ADCY8: variants seen among roughly 807,000 people sequenced by gnomAD.
ADCY8 encodes adenylate cyclase type 8.
Under a neutral mutation model 119.7 loss-of-function variants are expected in ADCY8, and 51 were observed. That is an observed-to-expected ratio of 0.43 (90% CI 0.34 to 0.54). The LOEUF (loss-of-function observed/expected upper bound fraction) is 0.54, where lower values mean the gene tolerates loss of function less well. Among genes scored for constraint, ADCY8 ranks in the 20% least tolerant of loss-of-function variants. The pLI is 0.03. For synonymous variants in ADCY8, 665 were observed against 651.0 expected, an observed-to-expected ratio of 1.02 and a Z score of -0.33; for missense variants, 1,383 against 1,598.8, an observed-to-expected ratio of 0.87 and a Z score of 2.30.
intron 1 of ADCY8, among the ~76,000 whole-genome samples, chr8:131,027,753 T>C (rs866797592): frequency 2.6e-5 from 4 of 152,292 alleles, no homozygotes; most frequent in Middle Eastern, 3.4e-3. Context: ...AGCACAAAGA[T>C]ACATACTTGC....
At position 130,805,309 on chromosome 8, in the gene ADCY8, G is replaced by A. The variant is rs902090751; in HGVS notation, c.2914-4737C>T. Among the ~76,000 whole-genome samples the A allele has an allele frequency of 2.6e-5, 4 of 152,158 alleles. No homozygotes were observed. The East Asian group carries it at 7.7e-4, about 29-fold the overall frequency. The stretch of plus-strand genomic sequence containing the variant: ...AATACTTTACCCGAGCCCCATAGTT[G>A]TTATGACGTAGAGCTGAAATTTGTA... On this transcript the variant is annotated intron_variant, in intron 14 of 17. Coordinates refer to ENST00000286355, the MANE Select transcript of ADCY8 (RefSeq NM_001115.3).
chr8:130,821,319 G>C, intron 13 of ADCY8, 23 bp downstream of exon 13: 2 of 1,603,822 alleles, frequency 1.2e-6, no homozygotes, highest in East Asian at 2.2e-5. Context: ...TAACAGAGCA[G>C]TCAGAGCGAA....
intron 15 of ADCY8, among the ~76,000 whole-genome samples, chr8:130,798,628 T>C (rs1463022273): frequency 6.6e-6 from 1 of 152,210 alleles, no homozygotes; most frequent in Non-Finnish European, 1.5e-5. Context: ...AAAATTCTCC[T>C]GCCTTTGGTG....
intron 15 of ADCY8, among the ~76,000 whole-genome samples, chr8:130,795,780 GGT>G (rs140027471): frequency 1.3e-5 from 2 of 150,944 alleles, no homozygotes; most frequent in Admixed American, 6.6e-5. Flanking sequence ...GCTTGGCTTT[GGT>G]GTGTGTGTGT....
chr8:130,964,037 C>T lies in ADCY8; in HGVS notation c.1111-12039G>A, dbSNP rs573311030. 5.3e-5 allele frequency among the ~76,000 whole-genome samples: 8 copies of T among 152,264 alleles called. No individual in the cohort carries two copies. In the South Asian group the frequency reaches 1.4e-3, roughly 28 times the overall value. On this transcript the variant is annotated intron_variant, in intron 2 of 17. Transcript: ENST00000286355. ...TCATGCTAGATCTGTACCTGGGATGCCTTCTCTAACTGGTCTGCTGAAGTG... is the reference window on the plus strand; with the variant it reads ...TCATGCTAGATCTGTACCTGGGATGTCTTCTCTAACTGGTCTGCTGAAGTG...
intron 1 of ADCY8, among the ~76,000 whole-genome samples, chr8:131,015,394 A>T (rs7841097): frequency 0.021 from 3,240 of 152,230 alleles, 139 homozygotes; most frequent in African/African-American, 0.072. Flanking sequence ...CAGAGACCCC[A>T]AATGGTGAGC....
At position 130,874,389 on chromosome 8, in the gene ADCY8, A is replaced by G. The variant is rs1053454063; in HGVS notation, c.2110-6443T>C. ...CATTTGGATACAAGGCATAATTGCA[A>G]TGAGACTAATTTTCAGTAATTTTTG... On this transcript the variant is annotated intron_variant, in intron 8 of 17. Coordinates refer to ENST00000286355, the MANE Select transcript of ADCY8 (RefSeq NM_001115.3). Among the ~76,000 whole-genome samples the G allele has an allele frequency of 3.9e-5, 6 of 152,284 alleles. No homozygotes were observed. In the Middle Eastern group the frequency reaches 0.01, roughly 259 times the overall value.
chr8:130,888,013 A>C (rs1485648272), intron 7 of ADCY8, among the ~76,000 whole-genome samples: 1 of 152,130 alleles, frequency 6.6e-6, no homozygotes, highest in Non-Finnish European at 1.5e-5. Flanking sequence ...GACTTACAGC[A>C]CCAGTGCGAG....
intron 7 of ADCY8, among the ~76,000 whole-genome samples, chr8:130,889,458 C>T (rs1819106912): frequency 6.6e-6 from 1 of 152,118 alleles, no homozygotes; most frequent in African/African-American, 2.4e-5. Flanking sequence ...TTTTTGACCA[C>T]AAATCCCCCT....
At chr8:130,938,008 A>T (rs965582574) in intron 4 of ADCY8, among the ~76,000 whole-genome samples, 4 of 152,214 alleles carry the variant, frequency 2.6e-5, no homozygotes, top group Non-Finnish European at 5.9e-5. Flanking sequence ...GCATTAAGAA[A>T]ATAATGCATG....
At chr8:130,854,660 T>G (rs978265511) in intron 9 of ADCY8, among the ~76,000 whole-genome samples, 5 of 152,212 alleles carry the variant, frequency 3.3e-5, no homozygotes, top group Admixed American at 2.6e-4. Flanking sequence ...TTAATTTAAT[T>G]TTTACTGCAG....
At chr8:130,941,353 G>A (rs1188919181) in intron 4 of ADCY8, among the ~76,000 whole-genome samples, 1 of 152,130 alleles carries the variant, frequency 6.6e-6, no homozygotes, top group Non-Finnish European at 1.5e-5. Flanking sequence ...TTTCAGTCTT[G>A]CGCAGTACCT....
At chr8:130,884,782 A>C in intron 7 of ADCY8, 21 bp from the exon 8 acceptor site, 1 of 1,610,238 alleles carries the variant, frequency 6.2e-7, no homozygotes, top group Non-Finnish European at 8.5e-7. Context: ...AGCACATGCA[A>C]ACACAATAAA....
At chr8:131,011,109 T>C (rs1823286887) in intron 1 of ADCY8, among the ~76,000 whole-genome samples, 3 of 151,606 alleles carry the variant, frequency 2.0e-5, no homozygotes. Flanking sequence ...GAATCTAGGA[T>C]AGACGCATGC....
chr8:130,889,333 G>A (rs1819101504), intron 7 of ADCY8, among the ~76,000 whole-genome samples: 1 of 152,066 alleles, frequency 6.6e-6, no homozygotes, highest in Non-Finnish European at 1.5e-5. Flanking sequence ...CACAATAAAT[G>A]TGTTTACTGA....
rs756440138 is a variant in ADCY8, at chr8:131,039,615, G to T, written c.719C>A (p.Thr240Lys). 1 of 1,614,082 alleles carries T rather than the reference G, an allele frequency of 6.2e-7. No individual in the cohort carries two copies. The highest frequency in any genetic ancestry group is 1.1e-5 in the South Asian group (1 of 91,078). The stretch of plus-strand genomic sequence containing the variant: ...GACCACGCCGCTGTACTGCAGGTAC[G>T]TGTGGGAGGTGGTGTCCTTCCTGAC... Reference protein sequence around the residue: ...VVVRKDTTSHTYLQYSGVVTW... With the variant: ...VVVRKDTTSHKYLQYSGVVTW... The change falls in exon 1 of 18, where the codon ACG becomes AAG. Residue 240 changes from threonine (T) to lysine (K), a missense_variant. Around this residue, in one of 2 missense-constraint regions of ADCY8, gnomAD observed 455 missense variants for 435.3 expected, o/e 1.05. Coordinates refer to ENST00000286355, the MANE Select transcript of ADCY8 (RefSeq NM_001115.3).
At chr8:130,985,522 C>T (rs1822376639) in intron 2 of ADCY8, among the ~76,000 whole-genome samples, 1 of 152,034 alleles carries the variant, frequency 6.6e-6, no homozygotes, top group Admixed American at 6.6e-5. Flanking sequence ...TGAAGAATAA[C>T]AGAAAATGAC....
At chr8:130,988,829 G>T (rs945455877) in intron 2 of ADCY8, among the ~76,000 whole-genome samples, 3 of 152,204 alleles carry the variant, frequency 2.0e-5, no homozygotes, top group Non-Finnish European at 2.9e-5. Context: ...TATGGAGATG[G>T]TAAGGCAATA....
chr8:130,960,244 C>T (rs78310173), intron 2 of ADCY8, among the ~76,000 whole-genome samples: 3,427 of 152,108 alleles, frequency 0.023, 155 homozygotes, highest in African/African-American at 0.077. Flanking sequence ...CTTGGATCTA[C>T]CTGAATAGAC....
Sources: gnomAD v4.1 joint callset for allele counts (sites outside exome capture counted in the v4.1 genomes callset) on GRCh38, gnomAD v4.1.1 for gene constraint, gnomAD v4.1.1 regional missense constraint, MANE v1.5 for transcripts, NCBI Gene and HGNC (gene_info 2026-07-23, HGNC 2026-07-21) for gene names.